Variants in NEK11 observed in about 807,000 individuals in gnomAD.
NEK11 encodes serine/threonine-protein kinase Nek11.
NEK11 carries 72 observed loss-of-function variants against 80.7 expected under a neutral mutation model. The observed-to-expected ratio is 0.89, with a 90% CI of 0.74 to 1.08. The LOEUF (loss-of-function observed/expected upper bound fraction) is 1.08. Ranked by LOEUF, NEK11 falls within the 50% of genes least tolerant of loss-of-function variation. NEK11 has a pLI of 0.00. For synonymous variants in NEK11, 251 were observed against 260.7 expected (o/e 0.96, Z 0.36); for missense variants, 764 against 763.6 (o/e 1.00, Z -0.01).
At chr3:131,261,847 T>C (rs949467972) in intron 16 of NEK11, among the ~76,000 whole-genome samples, 2 of 152,058 alleles carry the variant, frequency 1.3e-5, no homozygotes, top group Non-Finnish European at 2.9e-5. Context: ...TTGATTTAAC[T>C]CCCACCTATT....
intron 3 of NEK11, among the ~76,000 whole-genome samples, chr3:131,074,584 T>C (rs2074026093): frequency 6.6e-6 from 1 of 152,228 alleles, no homozygotes; most frequent in Non-Finnish European, 1.5e-5. Context: ...TTAACTTTCA[T>C]AGCCTATTCA....
rs149243171 is a variant in NEK11 at position 131,255,127 on chromosome 3, A to AGAAAG, written c.1621+11633_1621+11634insAAGGA. Among the ~76,000 whole-genome samples the AGAAAG allele has an allele frequency of 7.8e-4, 115 of 148,116 alleles. 1 individual carries two copies. The highest frequency in any genetic ancestry group is 4.1e-3 in the East Asian group (20 of 4,880). On this transcript the variant is annotated intron_variant, in intron 16 of 17. Coordinates refer to ENST00000383366, the MANE Select transcript of NEK11 (RefSeq NM_024800.5). ...AAGAAAGAAAGAAAGAAAGAAAGAA[A>AGAAAG]GAGAGAAAGAACAGCTAATTTCCCA...
At chr3:131,223,542 C>T (rs1580454295) in intron 14 of NEK11, among the ~76,000 whole-genome samples, 2 of 152,118 alleles carry the variant, frequency 1.3e-5, no homozygotes, top group African/African-American at 4.8e-5. Flanking sequence ...TGACTTGGTC[C>T]ACTGCCTATG....
chr3:131,191,294 A>G (rs1445614950), intron 14 of NEK11, among the ~76,000 whole-genome samples: 1 of 152,200 alleles, frequency 6.6e-6, no homozygotes, highest in African/African-American at 2.4e-5. Flanking sequence ...TCACTGGGCT[A>G]AAATCAAGAT....
intron 3 of NEK11, among the ~76,000 whole-genome samples, chr3:131,041,926 TAGATGTGGGTA>T (rs2066548133): frequency 6.6e-6 from 1 of 151,994 alleles, no homozygotes; most frequent in Admixed American, 6.6e-5. Flanking sequence ...TGGGACTGGT[TAGATGTGGGTA>T]CAGCCCACGG....
intron 7 of NEK11, among the ~76,000 whole-genome samples, chr3:131,135,407 C>G (rs1212918516): frequency 6.6e-6 from 1 of 152,104 alleles, no homozygotes; most frequent in African/African-American, 2.4e-5. Context: ...AAAACCCAAA[C>G]CAAATAAAAC....
At chr3:131,181,635 A>G (rs558226463) in intron 14 of NEK11, among the ~76,000 whole-genome samples, 4 of 150,878 alleles carry the variant, frequency 2.7e-5, no homozygotes, top group African/African-American at 9.7e-5. Context: ...AGTCCCAGCT[A>G]CTTGGGAGGC....
At chr3:131,221,679 G>A (rs1303907242) in intron 14 of NEK11, among the ~76,000 whole-genome samples, 1 of 152,170 alleles carries the variant, frequency 6.6e-6, no homozygotes, top group East Asian at 1.9e-4. Context: ...TAAAAAAATT[G>A]TTAATGTATA....
intron 5 of NEK11, among the ~76,000 whole-genome samples, chr3:131,112,665 C>G (rs1212502796): frequency 6.6e-6 from 1 of 152,106 alleles, no homozygotes; most frequent in Non-Finnish European, 1.5e-5. Context: ...TTTGGAGAAT[C>G]AATGGAGGCT....
chr3:131,146,097 G>C (rs11924440), intron 7 of NEK11, among the ~76,000 whole-genome samples: 32,112 of 151,858 alleles, frequency 0.21, 3,738 homozygotes, highest in African/African-American at 0.31. Flanking sequence ...CTTCCGATAT[G>C]CCCAGGCCAG....
intron 17 of NEK11, among the ~76,000 whole-genome samples, chr3:131,302,401 G>C (rs1287572878): frequency 6.6e-6 from 1 of 151,912 alleles, no homozygotes; most frequent in Non-Finnish European, 1.5e-5. Flanking sequence ...TCAGCTTTGG[G>C]GTTGGTTTGC....
chr3:131,038,643 G>T (rs1278550803), intron 3 of NEK11, among the ~76,000 whole-genome samples: 2 of 152,150 alleles, frequency 1.3e-5, no homozygotes, highest in African/African-American at 2.4e-5. Context: ...CAGTTAGGAA[G>T]AAGGCAACAA....
At chr3:131,271,163 A>T (rs140241175) in intron 16 of NEK11, among the ~76,000 whole-genome samples, 60 of 152,226 alleles carry the variant, frequency 3.9e-4, no homozygotes, top group African/African-American at 1.4e-3. Context: ...CCAGGTGTGG[A>T]AGGGGCAATC....
chr3:131,038,269 C>T (rs1211223596), intron 3 of NEK11, among the ~76,000 whole-genome samples: 1 of 152,098 alleles, frequency 6.6e-6, no homozygotes, highest in African/African-American at 2.4e-5. Context: ...CAGTTCTCTG[C>T]ACACAATAAG....
At chr3:131,091,608 G>C (rs985826494) in intron 4 of NEK11, among the ~76,000 whole-genome samples, 3 of 152,162 alleles carry the variant, frequency 2.0e-5, no homozygotes, top group Non-Finnish European at 4.4e-5. Context: ...AAAATGTATA[G>C]AATTTAATAT....
chr3:131,080,403 A>C lies in NEK11; in HGVS notation c.171-20A>C. ...GTGTTTTTCAGCTCTAAATGTTTTT[A>C]AAATTTTTTTTGATCTCAGAAAGGT... is the stretch of plus-strand genomic sequence containing the variant. On this transcript the variant is annotated intron_variant, in intron 3 of 17. Transcript: ENST00000383366. 6.4e-7 allele frequency: 1 copy of C among 1,573,364 alleles called. No homozygotes were observed. Among genetic ancestry groups the C allele is most frequent in the Non-Finnish European group, 8.6e-7 (1 of 1,157,644 alleles).
chr3:131,280,045 T>C (rs142548025), intron 17 of NEK11, among the ~76,000 whole-genome samples: 3 of 152,304 alleles, frequency 2.0e-5, no homozygotes, highest in Admixed American at 1.3e-4. Flanking sequence ...TCTTGCTCTA[T>C]TGAGATTTCT....
At chr3:131,028,627 C>T (rs916855019) in intron 2 of NEK11, among the ~76,000 whole-genome samples, 7 of 151,674 alleles carry the variant, frequency 4.6e-5, no homozygotes, top group African/African-American at 9.7e-5. Flanking sequence ...AGTGCAGTGG[C>T]GAGATCTCAC....
At chr3:131,193,144 G>A in intron 14 of NEK11, among the ~76,000 whole-genome samples, 1 of 152,056 alleles carries the variant, frequency 6.6e-6, no homozygotes, top group East Asian at 1.9e-4. Context: ...AGTTAACCAT[G>A]TTTTCCAAAA....
Sources: allele counts gnomAD v4.1 joint callset (sites outside exome capture counted in the v4.1 genomes callset), GRCh38; gene constraint gnomAD v4.1.1; transcripts MANE v1.5; gene names NCBI Gene and HGNC (gene_info 2026-07-23, HGNC 2026-07-21).